Variants in CADM1 observed in about 807,000 individuals in gnomAD.
CADM1 encodes TSLC-1.
Under a neutral mutation model 53.1 loss-of-function variants are expected in CADM1, and 15 were observed. The observed-to-expected ratio is 0.28, with a 90% CI of 0.19 to 0.44. CADM1 has a LOEUF of 0.44. Ranked by LOEUF, CADM1 falls within the 20% of genes least tolerant of loss-of-function variation. CADM1 has a pLI of 1.00. For missense variants in CADM1, 434 were observed against 611.3 expected, an observed-to-expected ratio of 0.71 and a Z score of 3.06; for synonymous variants, 281 against 243.0, an observed-to-expected ratio of 1.16 and a Z score of -1.45.
chr11:115,398,072 A>T (rs1423711829), intron 1 of CADM1, among the ~76,000 whole-genome samples: 1 of 152,132 alleles, frequency 6.6e-6, no homozygotes. Flanking sequence ...AAACCAGTAA[A>T]CACTTGACTA....
At chr11:115,320,817 G>GA (rs61243045) in intron 1 of CADM1, among the ~76,000 whole-genome samples, 11 of 152,146 alleles carry the variant, frequency 7.2e-5, no homozygotes, top group Admixed American at 2.0e-4. Flanking sequence ...TAATATAGGG[G>GA]AAAAATCAAT....
intron 1 of CADM1, among the ~76,000 whole-genome samples, chr11:115,308,135 C>T (rs1213020913): frequency 2.3e-5 from 2 of 85,944 alleles, no homozygotes; most frequent in African/African-American, 6.0e-5. Flanking sequence ...GACACAAACT[C>T]TCTCTCTGTG....
chr11:115,244,613 T>A (rs1942350393), intron 1 of CADM1, among the ~76,000 whole-genome samples: 1 of 152,186 alleles, frequency 6.6e-6, no homozygotes, highest in Non-Finnish European at 1.5e-5. Context: ...TTCAGCTAAG[T>A]GGCCAAGCTG....
intron 10 of CADM1, among the ~76,000 whole-genome samples, chr11:115,181,171 A>C (rs57658196): frequency 2.1e-5 from 2 of 96,964 alleles, no homozygotes; most frequent in Non-Finnish European, 4.5e-5. Flanking sequence ...CTGAGGGGGG[A>C]GGGGGGAGGG....
intron 1 of CADM1, among the ~76,000 whole-genome samples, chr11:115,431,626 TCTCTC>T (rs1293242540): frequency 2.0e-5 from 3 of 152,042 alleles, no homozygotes; most frequent in Non-Finnish European, 4.4e-5. Flanking sequence ...TCCTACCTCT[TCTCTC>T]CTCTCTGCCC....
At chr11:115,250,756 C>T (rs1436952875) in intron 1 of CADM1, among the ~76,000 whole-genome samples, 2 of 152,178 alleles carry the variant, frequency 1.3e-5, no homozygotes, top group African/African-American at 2.4e-5. Flanking sequence ...TTAAACCTCA[C>T]AACAATCTTA....
At position 115,241,586 on chromosome 11, in the gene CADM1, T is replaced by TG. The variant is rs201774129; in HGVS notation, c.125-1167dup. Among the ~76,000 whole-genome samples the TG allele has an allele frequency of 8.1e-3, 1,239 of 152,268 alleles. 19 individuals are homozygous for TG. The highest frequency in any genetic ancestry group is 0.027 in the African/African-American group (1,108 of 41,546). Reference sequence around the variant, plus strand: ...ATTAAAAGCTATCTCACAGGGCTGATGGGGGGATGAAAAAGGATAATAAAT... The same window carrying TG: ...ATTAAAAGCTATCTCACAGGGCTGATGGGGGGGATGAAAAAGGATAATAAAT... On this transcript the variant is annotated intron_variant, in intron 1 of 11. Transcript: ENST00000331581.
At chr11:115,390,100 G>A (rs1946797043) in intron 1 of CADM1, among the ~76,000 whole-genome samples, 1 of 152,150 alleles carries the variant, frequency 6.6e-6, no homozygotes, top group African/African-American at 2.4e-5. Context: ...TCAGAGGATA[G>A]TGGGATTACT....
chr11:115,306,257 C>T (rs1200930306), intron 1 of CADM1, among the ~76,000 whole-genome samples: 3 of 151,930 alleles, frequency 2.0e-5, no homozygotes, highest in African/African-American at 4.8e-5. Flanking sequence ...CAATTGATTA[C>T]AGTATTCAGT....
At chr11:115,340,133 C>T (rs752187125) in intron 1 of CADM1, 7 of 152,132 alleles carry the variant, frequency 4.6e-5, no homozygotes, top group Non-Finnish European at 7.3e-5. Flanking sequence ...TGGCTGACGA[C>T]ATCTGGAGTC....
chr11:115,185,662 A>G (rs1291191931), intron 10 of CADM1, among the ~76,000 whole-genome samples: 2 of 152,210 alleles, frequency 1.3e-5, no homozygotes, highest in South Asian at 4.1e-4. Context: ...GAGACACCAG[A>G]AGTCGTGCTT....
At chr11:115,361,789 C>T (rs1162274294) in intron 1 of CADM1, among the ~76,000 whole-genome samples, 3 of 151,990 alleles carry the variant, frequency 2.0e-5, no homozygotes, top group Admixed American at 6.6e-5. Flanking sequence ...TGCAGTGGCA[C>T]AATCATGCCT....
At chr11:115,226,492 G>A (rs572151755) in intron 5 of CADM1, among the ~76,000 whole-genome samples, 10 of 152,140 alleles carry the variant, frequency 6.6e-5, no homozygotes, top group Non-Finnish European at 1.2e-4. Context: ...TGACTTCAAC[G>A]GCATGAGTCA....
At chr11:115,499,373 G>A (rs1239731541) in intron 1 of CADM1, among the ~76,000 whole-genome samples, 1 of 152,176 alleles carries the variant, frequency 6.6e-6, no homozygotes, top group Non-Finnish European at 1.5e-5. Flanking sequence ...AGGTGCTTTG[G>A]ATGACATTTC....
At chr11:115,415,447 T>C (rs1313852769) in intron 1 of CADM1, among the ~76,000 whole-genome samples, 2 of 151,980 alleles carry the variant, frequency 1.3e-5, no homozygotes, top group African/African-American at 4.8e-5. Context: ...TCTGCTTGAG[T>C]TACAAGTTTT....
chr11:115,449,650 A>C (rs982420840), intron 1 of CADM1, among the ~76,000 whole-genome samples: 1 of 152,220 alleles, frequency 6.6e-6, no homozygotes, highest in Non-Finnish European at 1.5e-5. Flanking sequence ...CATTCTTAAA[A>C]GTTGCATCTA....
Position 115,229,264 on chromosome 11 carries a change from C to A in CADM1, c.570G>T (p.Ser190=), listed in dbSNP as rs200493084. The A allele has an allele frequency of 2.5e-6, 4 of 1,614,048 alleles. No homozygotes were observed. In the East Asian group the frequency reaches 8.9e-5, roughly 36 times the overall value. ...ACATGTCTGACCACTCTTCCACCTC[C>A]GATTTGCCTGGGGAACAGAAAATGT... ...FKGNTELKGK[S]EVEEWSDMYT... is the part of the protein sequence containing the mutation. Residue 190 remains serine (S), a synonymous_variant, in exon 5 of 12, where the codon TCG becomes TCT. Transcript: ENST00000331581.
At chr11:115,476,569 G>A (rs1949136208) in intron 1 of CADM1, among the ~76,000 whole-genome samples, 1 of 152,166 alleles carries the variant, frequency 6.6e-6, no homozygotes, top group African/African-American at 2.4e-5. Flanking sequence ...ACGCTGCGTG[G>A]TAGGAGAACA....
chr11:115,306,072 C>CACACACACACA (rs1555060496), intron 1 of CADM1, among the ~76,000 whole-genome samples: 35 of 130,432 alleles, frequency 2.7e-4, no homozygotes, highest in Non-Finnish European at 4.5e-4. Context: ...AGGATATATA[C>CACACACACACA]CACACACACA....
Sources: gnomAD v4.1 joint callset for allele counts (sites outside exome capture counted in the v4.1 genomes callset) on GRCh38, gnomAD v4.1.1 for gene constraint, MANE v1.5 for transcripts, NCBI Gene and HGNC (gene_info 2026-07-23, HGNC 2026-07-21) for gene names.